Variants in IRAK2 observed in about 807,000 individuals in gnomAD.
IRAK2 encodes the protein interleukin 1 receptor associated kinase 2.
Under a neutral mutation model 72.0 loss-of-function variants are expected in IRAK2, and 57 were observed. That is an observed-to-expected ratio of 0.79 (90% confidence interval 0.64 to 0.99). The LOEUF (loss-of-function observed/expected upper bound fraction) is 0.99. IRAK2 is among the 50% of genes least tolerant of loss of function. The pLI, the probability that IRAK2 is intolerant of heterozygous loss-of-function variation, is 0.00. For synonymous variants in IRAK2, 293 were observed against 312.7 expected, an observed-to-expected ratio of 0.94 and a Z score of 0.67; for missense variants, 790 against 794.4, an observed-to-expected ratio of 0.99 and a Z score of 0.07.
intron 6 of IRAK2, among the ~76,000 whole-genome samples, chr3:10,214,412 G>A: frequency 6.9e-5 from 1 of 14,534 alleles, no homozygotes; most frequent in East Asian, 1.5e-3. Context: ...TTTTTTTTTT[G>A]TAGAGATAGG....
chr3:10,183,439 C>A (rs556013885), intron 2 of IRAK2, among the ~76,000 whole-genome samples: 61 of 152,272 alleles, frequency 4.0e-4, no homozygotes, highest in Admixed American at 1.1e-3. Context: ...TAGAATGGGC[C>A]GGGCGCAGTG....
intron 3 of IRAK2, 77 bp from the exon 4 acceptor site, chr3:10,209,512 A>G (rs459864): frequency 0.79 from 730,709 of 926,300 alleles, 294,693 homozygotes; most frequent in Non-Finnish European, 0.85. Context: ...AGACTGGCAT[A>G]GTCTGAGGAC....
intron 2 of IRAK2, among the ~76,000 whole-genome samples, chr3:10,199,284 G>C (rs1041952057): frequency 3.3e-5 from 5 of 152,198 alleles, no homozygotes; most frequent in African/African-American, 9.7e-5. Context: ...TTCCCAAGTT[G>C]ATGTAAAAAG....
chr3:10,202,582 C>T (rs1305604807), intron 3 of IRAK2, among the ~76,000 whole-genome samples: 3 of 152,040 alleles, frequency 2.0e-5, no homozygotes, highest in African/African-American at 7.3e-5. Context: ...GAGATCGTGC[C>T]ACTGCATTCC....
chr3:10,238,207 G>T (rs1202770985), intron 11 of IRAK2, among the ~76,000 whole-genome samples: 2 of 152,096 alleles, frequency 1.3e-5, no homozygotes, highest in Non-Finnish European at 1.5e-5. Context: ...CAACAGAGAG[G>T]ACAGGCATTG....
At chr3:10,174,178 C>G (rs1233643550) in intron 1 of IRAK2, among the ~76,000 whole-genome samples, 2 of 152,188 alleles carry the variant, frequency 1.3e-5, no homozygotes, top group Non-Finnish European at 2.9e-5. Context: ...CAGCCGCTGA[C>G]CCAGCTGACA....
intron 10 of IRAK2, among the ~76,000 whole-genome samples, chr3:10,230,973 G>C (rs2125163386): frequency 6.6e-6 from 1 of 151,778 alleles, no homozygotes; most frequent in East Asian, 2.0e-4. Flanking sequence ...GGCTGGTCTT[G>C]AACTCCTGAC....
intron 1 of IRAK2, among the ~76,000 whole-genome samples, chr3:10,170,579 C>T (rs1378143283): frequency 6.6e-6 from 1 of 152,182 alleles, no homozygotes; most frequent in African/African-American, 2.4e-5. Flanking sequence ...CCCCTCGTTC[C>T]TGAATTTTTT....
rs1575974955 is a variant in IRAK2 at position 10,209,596 on chromosome 3, T to C, written c.432T>C (p.Ser144=). The C allele has an allele frequency of 6.4e-7, 1 of 1,555,786 alleles. No individual in the cohort carries two copies. Among genetic ancestry groups the C allele is most frequent in the Non-Finnish European group, 8.7e-7 (1 of 1,155,206 alleles). The change falls in exon 4 of 13, where the codon TCT becomes TCC. Residue 144 remains serine, a synonymous_variant. Coordinates refer to ENST00000256458, the MANE Select transcript of IRAK2 (RefSeq NM_001570.4). ...ATAGTCCCTCCTTTCCAGGGTCCTC[T>C]CCAGCCAGAGCCCACCAGCCGGCCT... ...RMATFPGPGS[S]PARAHQPAFL... is the part of the protein sequence containing the mutation.
In IRAK2 at chr3:10,213,506, C is replaced by T; in HGVS notation, c.746C>T (p.Ser249Leu). 1 of 1,614,124 alleles carries T rather than the reference C, an allele frequency of 6.2e-7. No homozygotes were observed. Among genetic ancestry groups the T allele is most frequent in the Non-Finnish European group, 8.5e-7 (1 of 1,179,996 alleles). ...LRETACSSPG[S>L]IERFFQAELQ... is the part of the protein sequence containing the mutation. ...CAGACAGCCTGTTCAAGTCCAGGATCAATCGAAAGATTCTTCCAGGCAGAG... is the reference window on the plus strand; with the variant it reads ...CAGACAGCCTGTTCAAGTCCAGGATTAATCGAAAGATTCTTCCAGGCAGAG... Residue 249 changes from serine to leucine, a missense_variant, in exon 6 of 13, where the codon TCA (serine) becomes TTA (leucine). Transcript: ENST00000256458.
chr3:10,234,311 CTTCTTTCTGGAATCCTTGCA>C, intron 10 of IRAK2, 128 bp from the exon 11 acceptor site: 1 of 655,634 alleles, frequency 1.5e-6, no homozygotes, highest in Non-Finnish European at 2.7e-6. Flanking sequence ...GGGGGTTTTA[CTTCTTTCTGGAATCCTTGCA>C]TTTATTCTTA....
At chr3:10,198,112 T>C (rs1045007564) in intron 2 of IRAK2, among the ~76,000 whole-genome samples, 3 of 152,120 alleles carry the variant, frequency 2.0e-5, no homozygotes, top group South Asian at 4.1e-4. Flanking sequence ...GGCAGGAGAA[T>C]GGCGTGAGCC....
At chr3:10,200,812 G>C (rs763237938) in intron 3 of IRAK2, among the ~76,000 whole-genome samples, 7 of 152,306 alleles carry the variant, frequency 4.6e-5, no homozygotes, top group East Asian at 3.9e-4. Flanking sequence ...GAGGTAGGGG[G>C]ATTGCTCGAG....
chr3:10,242,256 T>G lies in IRAK2; in HGVS notation c.*28T>G. On this transcript the variant is annotated 3_prime_UTR_variant, in exon 13 of 13. Coordinates refer to ENST00000256458, the MANE Select transcript of IRAK2 (RefSeq NM_001570.4). ...ACCGGAACACAGCTGAGGACCCTTG[T>G]CCTCAGTTGGAAAGATGAGCATCAG... 1 of 1,337,170 alleles carries G rather than the reference T, an allele frequency of 7.5e-7. No homozygotes were observed. The highest frequency in any genetic ancestry group is 1.1e-6 in the Non-Finnish European group (1 of 945,740). The allele number at this position is 1,337,170 out of a possible 1,614,324, so 82.8% of individuals were successfully genotyped here. A position where few individuals can be genotyped will look rare whatever the true frequency, so the allele number is the denominator to read the frequency against.
At chr3:10,216,834 T>C in intron 6 of IRAK2, 100 bp from the exon 7 acceptor site, 1 of 844,088 alleles carries the variant, frequency 1.2e-6, no homozygotes, top group Non-Finnish European at 2.0e-6. Flanking sequence ...AGGTTATTGG[T>C]GGCGTTGGAG....
At chr3:10,178,422 A>C (rs1333277311) in intron 2 of IRAK2, among the ~76,000 whole-genome samples, 1 of 151,544 alleles carries the variant, frequency 6.6e-6, no homozygotes, top group Non-Finnish European at 1.5e-5. Flanking sequence ...GCACCACTGC[A>C]CTCCAGCCTG....
Position 10,175,890 on chromosome 3 carries a change from C to CAAAA in IRAK2, c.95-1928_95-1925dup, listed in dbSNP as rs59718922. On this transcript the variant is annotated intron_variant, in intron 1 of 12. Transcript: ENST00000256458. Reference sequence around the variant, plus strand: ...TGGGTGACAGAGCGAGACTCCGTCTCAAAAAAAAAAAAAAAAAAAAAAAGA... The same window carrying CAAAA: ...TGGGTGACAGAGCGAGACTCCGTCTCAAAAAAAAAAAAAAAAAAAAAAAAAAAGA... Among the ~76,000 whole-genome samples the CAAAA allele has an allele frequency of 7.8e-4, 42 of 53,686 alleles. 1 individual carries two copies. Among genetic ancestry groups the CAAAA allele is most frequent in the Non-Finnish European group, 1.1e-3 (30 of 28,546 alleles). 35.2% of individuals were successfully genotyped at this position (53,686 alleles called of 152,430 possible).
chr3:10,213,910 CTTT>C (rs945956712), intron 6 of IRAK2, among the ~76,000 whole-genome samples: 1 of 146,690 alleles, frequency 6.8e-6, no homozygotes, highest in Non-Finnish European at 1.5e-5. Context: ...ATCTTCTCTC[CTTT>C]TTTTTTTTCT....
At chr3:10,209,950 C>T (rs912414626) in intron 4 of IRAK2, among the ~76,000 whole-genome samples, 5 of 152,114 alleles carry the variant, frequency 3.3e-5, no homozygotes, top group African/African-American at 7.2e-5. Flanking sequence ...GACAGAGTCT[C>T]GCTCTGCCAC....
Sources: allele counts gnomAD v4.1 joint callset (sites outside exome capture counted in the v4.1 genomes callset), GRCh38; gene constraint gnomAD v4.1.1; transcripts MANE v1.5; gene names NCBI Gene and HGNC (gene_info 2026-07-23, HGNC 2026-07-21).